GLYATL1: variants seen among roughly 807,000 people sequenced by gnomAD.
The protein encoded by GLYATL1 is glycine N-acyltransferase-like protein 1.
Under a neutral mutation model 20.0 loss-of-function variants are expected in GLYATL1, and 15 were observed. The observed-to-expected ratio is 0.75, with a 90% confidence interval of 0.50 to 1.15. The LOEUF is 1.15. GLYATL1 is among the 50% of genes most tolerant of loss of function. GLYATL1 has a pLI of 0.00. For missense variants in GLYATL1, 380 were observed against 368.5 expected (o/e 1.03, Z -0.26); for synonymous variants, 151 against 131.5 (o/e 1.15, Z -1.01).
chr11:58,930,521 G>A (rs1855558738), intron 1 of GLYATL1, among the ~76,000 whole-genome samples: 1 of 152,132 alleles, frequency 6.6e-6, no homozygotes, highest in Admixed American at 6.5e-5. Context: ...ATATTAGAAT[G>A]AGTTTAAAGT....
upstream of GLYATL1, among the ~76,000 whole-genome samples, chr11:58,924,751 A>G (rs1395917096): frequency 2.6e-5 from 4 of 152,202 alleles, no homozygotes; most frequent in Non-Finnish European, 5.9e-5. Context: ...AGTGACCGGT[A>G]GTGTTACCTG....
At chr11:58,945,560 T>G (rs1047031984) in intron 2 of GLYATL1, among the ~76,000 whole-genome samples, 1 of 152,262 alleles carries the variant, frequency 6.6e-6, no homozygotes, top group African/African-American at 2.4e-5. Flanking sequence ...GAACACAAGT[T>G]TTTTTGCGGG....
At chr11:58,926,718 CATT>C (rs1406918677), upstream of GLYATL1, among the ~76,000 whole-genome samples, 1 of 152,168 alleles carries the variant, frequency 6.6e-6, no homozygotes, top group Non-Finnish European at 1.5e-5. Context: ...CTGCATTAAT[CATT>C]AAGATGGCAA....
chr11:58,927,391 G>T (rs1565121110), upstream of GLYATL1, among the ~76,000 whole-genome samples: 1 of 152,238 alleles, frequency 6.6e-6, no homozygotes, highest in Non-Finnish European at 1.5e-5. Flanking sequence ...TGTCTGCAAA[G>T]CTAGAGAGTC....
At chr11:58,921,516 C>T (rs997025722) in intron 1 of GLYATL1, among the ~76,000 whole-genome samples, 2 of 152,150 alleles carry the variant, frequency 1.3e-5, no homozygotes, top group African/African-American at 2.4e-5. Context: ...TTTTTCATAC[C>T]GTGGCCTTAA....
chr11:58,930,171 T>A (rs1462768445), intron 1 of GLYATL1, among the ~76,000 whole-genome samples: 1 of 152,248 alleles, frequency 6.6e-6, no homozygotes, highest in Admixed American at 6.5e-5. Context: ...GCTTACTTTA[T>A]CTTGGCTGCC....
chr11:58,951,646 CT>C (rs1343178966), intron 4 of GLYATL1, among the ~76,000 whole-genome samples: 1 of 151,986 alleles, frequency 6.6e-6, no homozygotes, highest in African/African-American at 2.4e-5. Flanking sequence ...GAAATATGGT[CT>C]TTTTCTCACT....
intron 3 of GLYATL1, 100 bp from the exon 4 acceptor site, chr11:58,947,758 A>G: frequency 2.5e-6 from 2 of 806,224 alleles, no homozygotes; most frequent in Admixed American, 3.6e-5. Flanking sequence ...ACTTGGTCTC[A>G]GTACCTTCTC....
At chr11:58,913,388 A>G (rs1855097070), downstream of GLYATL1, among the ~76,000 whole-genome samples, 1 of 151,972 alleles carries the variant, frequency 6.6e-6, no homozygotes, top group African/African-American at 2.4e-5. Context: ...GAGAGGGAGG[A>G]GAAATGACAA....
At chr11:58,940,953 C>T (rs1010300954) in intron 1 of GLYATL1, among the ~76,000 whole-genome samples, 4 of 152,070 alleles carry the variant, frequency 2.6e-5, no homozygotes, top group Non-Finnish European at 4.4e-5. Flanking sequence ...GGTGAAAGAG[C>T]GAGACCCTGT....
At chr11:58,922,022 C>CT (rs918225996) in intron 1 of GLYATL1, among the ~76,000 whole-genome samples, 5 of 152,174 alleles carry the variant, frequency 3.3e-5, no homozygotes, top group African/African-American at 1.2e-4. Flanking sequence ...CATTGATTGC[C>CT]TTTTTCCTGT....
chr11:58,949,948 A>ACCTCCCCTCC (rs149728564), intron 4 of GLYATL1, among the ~76,000 whole-genome samples: 1 of 149,456 alleles, frequency 6.7e-6, no homozygotes, highest in Non-Finnish European at 1.5e-5. Flanking sequence ...ATAACCTCTT[A>ACCTCCCCTCC]CCTCCCCTCC....
rs752765066 is a variant in GLYATL1 at position 58,955,359 on chromosome 11, A to G, written c.491+6A>G. 5 of 1,609,964 alleles carry G rather than the reference A, an allele frequency of 3.1e-6. No homozygotes were observed. The highest frequency in any genetic ancestry group is 4.2e-6 in the Non-Finnish European group (5 of 1,178,094). On this transcript the variant is annotated splice_donor_region_variant and intron_variant, in intron 6 of 6. Transcript: ENST00000532726. ...CCAGATGATGAATTTGAAAGGTACA[A>G]AAACATGTGCTGATCATTTATAATT...
chr11:58,907,484 T>TTTTGC, exon 2 of GLYATL1: 1 of 396,608 alleles, frequency 2.5e-6, no homozygotes, highest in Non-Finnish European at 5.1e-6. Context: ...TTTTTGTTTG[T>TTTTGC]TTTGTTTTGT....
At position 58,955,944 on chromosome 11, in the gene GLYATL1, T is replaced by C. The variant is rs767559090; in HGVS notation, c.826T>C (p.Phe276Leu). 1 of 1,614,222 alleles carries C rather than the reference T, an allele frequency of 6.2e-7. No homozygotes were observed. Residue 276 changes from phenylalanine (F) to leucine (L), a missense_variant, in exon 7 of 7, where the codon TTT becomes CTT. Phe to Leu is a conservative substitution (Grantham distance 22, BLOSUM62 0). Transcript: ENST00000532726. ...VLEENEDSRR[F>L]VGQFGFFEAS... Reference sequence around the variant, plus strand: ...GGAAGAAAATGAAGACTCCCGCAGATTTGTGGGGCAGTTTGGTTTCTTTGA... The same window carrying C: ...GGAAGAAAATGAAGACTCCCGCAGACTTGTGGGGCAGTTTGGTTTCTTTGA...
chr11:58,940,685 T>TA (rs1488354170), intron 1 of GLYATL1, among the ~76,000 whole-genome samples: 1 of 152,240 alleles, frequency 6.6e-6, no homozygotes, highest in East Asian at 1.9e-4. Flanking sequence ...CTGGGTTTTG[T>TA]ATTTGTTTCT....
chr11:58,953,183 T>C (rs1277932099), intron 4 of GLYATL1, among the ~76,000 whole-genome samples: 1 of 152,226 alleles, frequency 6.6e-6, no homozygotes, highest in East Asian at 1.9e-4. Flanking sequence ...AAAAGGTAGA[T>C]GTTTAATTTC....
At chr11:58,946,570 G>T (rs544790864) in intron 2 of GLYATL1, among the ~76,000 whole-genome samples, 3 of 152,174 alleles carry the variant, frequency 2.0e-5, no homozygotes, top group South Asian at 4.1e-4. Context: ...AATGGCCGTA[G>T]GTTTGAAATA....
At chr11:58,913,787 G>A (rs1291238746) in intron 1 of GLYATL1, among the ~76,000 whole-genome samples, 49 of 152,190 alleles carry the variant, frequency 3.2e-4, no homozygotes, top group Admixed American at 3.2e-3. Context: ...AAAGGAGTGA[G>A]CAGGTGAGTC....
Sources: gnomAD v4.1 joint callset for allele counts (sites outside exome capture counted in the v4.1 genomes callset) on GRCh38, gnomAD v4.1.1 for gene constraint, MANE v1.5 for transcripts, NCBI Gene and HGNC (gene_info 2026-07-23, HGNC 2026-07-21) for gene names.